The following IFT57 variants were observed in gnomAD, a reference collection of about 807,000 sequenced individuals.
IFT57 encodes intraflagellar transport 57.
A neutral mutation model predicts 56.8 loss-of-function variants in IFT57; 59 were observed. The observed-to-expected ratio is 1.04, with a 90% CI of 0.84 to 1.29. The LOEUF is 1.29. Ranked by LOEUF, IFT57 falls within the 50% of genes most tolerant of loss-of-function variation. The pLI is 0.00. For missense variants in IFT57, 470 were observed against 522.1 expected (o/e 0.90, Z 0.97); for synonymous variants, 209 against 186.1 (o/e 1.12, Z -1.00).
At chr3:108,167,093 G>T in intron 7 of IFT57, 108 bp from the exon 8 acceptor site, 1 of 952,386 alleles carries the variant, frequency 1.0e-6, no homozygotes, top group Non-Finnish European at 1.5e-6. Context: ...TCAACTACAT[G>T]TGCAAAAGAA....
At chr3:108,214,520 A>G (rs542738580) in intron 3 of IFT57, among the ~76,000 whole-genome samples, 1 of 152,270 alleles carries the variant, frequency 6.6e-6, no homozygotes, top group South Asian at 2.1e-4. Context: ...GTTTTGCTAT[A>G]TACTGCCAAA....
intron 5 of IFT57, among the ~76,000 whole-genome samples, chr3:108,199,942 A>G (rs2080268527): frequency 6.6e-6 from 1 of 152,202 alleles, no homozygotes; most frequent in African/African-American, 2.4e-5. Flanking sequence ...AAAGAGAAGC[A>G]TTGGATGGGA....
At chr3:108,166,317 A>G (rs1011058868) in intron 8 of IFT57, among the ~76,000 whole-genome samples, 58 of 152,064 alleles carry the variant, frequency 3.8e-4, no homozygotes, top group African/African-American at 1.4e-3. Context: ...GGTGCTTTCA[A>G]AGTCTAGTGA....
chr3:108,178,721 T>C (rs977340822), intron 6 of IFT57, among the ~76,000 whole-genome samples: 1 of 151,766 alleles, frequency 6.6e-6, no homozygotes, highest in African/African-American at 2.4e-5. Context: ...ATGATTAAAA[T>C]AAAAAAGATT....
chr3:108,219,116 A>AC lies in IFT57; in HGVS notation c.375+293_375+294insG, dbSNP rs1553743326. On this transcript the variant is annotated intron_variant, in intron 2 of 10. Transcript: ENST00000264538. ...ATATGAAGTGTTTTGGCTTTGTAGG[A>AC]TTTTTTTTTAATTATCATTTTTTAG... Among the ~76,000 whole-genome samples, 3 of 150,876 alleles carry AC rather than the reference A, an allele frequency of 2.0e-5. No homozygotes were observed. The East Asian group carries it at 5.8e-4, about 29-fold the overall frequency.
At chr3:108,167,960 C>T (rs1221629176) in intron 6 of IFT57, 96 bp from the exon 7 acceptor site, 1 of 853,826 alleles carries the variant, frequency 1.2e-6, no homozygotes, top group African/African-American at 1.7e-5. Context: ...TACTTTGGTT[C>T]CTGCCCTATT....
chr3:108,222,415 GT>G lies in IFT57; in HGVS notation c.-94del. The stretch of plus-strand genomic sequence containing the variant: ...GCCGCCGCCAGTACAGCCACGACCG[GT>G]TACCAGGCGACCACCGGACAATCCG... On this transcript the variant is annotated 5_prime_UTR_variant, in exon 1 of 11. Coordinates refer to ENST00000264538, the MANE Select transcript of IFT57 (RefSeq NM_018010.4). 1.1e-6 allele frequency: 1 copy of G among 951,536 alleles called. No homozygotes were observed. The highest frequency in any genetic ancestry group is 1.5e-6 in the Non-Finnish European group (1 of 673,614). The allele number at this position is 951,536 out of a possible 1,614,324, so 58.9% of individuals were successfully genotyped here.
chr3:108,203,652 A>G (rs1355381949), intron 5 of IFT57, among the ~76,000 whole-genome samples: 1 of 152,222 alleles, frequency 6.6e-6, no homozygotes, highest in African/African-American at 2.4e-5. Context: ...ATACAATATT[A>G]TTGATTATTG....
intron 6 of IFT57, among the ~76,000 whole-genome samples, chr3:108,173,018 C>A (rs572998529): frequency 1.3e-5 from 2 of 151,892 alleles, no homozygotes; most frequent in South Asian, 4.2e-4. Flanking sequence ...TATTCTTACC[C>A]TAACTTCTAG....
intron 4 of IFT57, among the ~76,000 whole-genome samples, chr3:108,212,109 A>C (rs1482033401): frequency 6.6e-6 from 1 of 152,144 alleles, no homozygotes; most frequent in Admixed American, 6.6e-5. Context: ...CAGCCTCCTG[A>C]GTAGTTAGGA....
At chr3:108,190,558 A>T (rs2108317275) in intron 6 of IFT57, among the ~76,000 whole-genome samples, 1 of 152,294 alleles carries the variant, frequency 6.6e-6, no homozygotes, top group Non-Finnish European at 1.5e-5. Context: ...TTCTGCCATG[A>T]TTGTTTAAGT....
chr3:108,184,603 GA>G (rs1411861313), intron 6 of IFT57, among the ~76,000 whole-genome samples: 1 of 152,040 alleles, frequency 6.6e-6, no homozygotes, highest in Non-Finnish European at 1.5e-5. Context: ...ACAGTTGAGA[GA>G]AATGTAAACA....
rs61048320 is a variant in IFT57, at chr3:108,173,808, GTA to G, written c.778-5946_778-5945del. 3.7e-4 allele frequency among the ~76,000 whole-genome samples: 47 copies of G among 127,136 alleles called. 1 individual carries two copies. The South Asian group carries it at 8.9e-3, about 24-fold the overall frequency. The allele number at this position is 127,136 out of a possible 152,430, so 83.4% of individuals were successfully genotyped here. ...TGTGTGTGTGTGTGTGTGTGTGTGT[GTA>G]TATAATATAGTATATTATATACAGT... is the stretch of plus-strand genomic sequence containing the variant. On this transcript the variant is annotated intron_variant, in intron 6 of 10. Transcript: ENST00000264538.
chr3:108,213,575 T>C (rs984397967), intron 4 of IFT57, among the ~76,000 whole-genome samples: 1 of 152,220 alleles, frequency 6.6e-6, no homozygotes, highest in Non-Finnish European at 1.5e-5. Context: ...GGTATGCGTA[T>C]AAAGCAGAAT....
chr3:108,170,295 G>A (rs60425424), intron 6 of IFT57, among the ~76,000 whole-genome samples: 13,932 of 152,040 alleles, frequency 0.092, 702 homozygotes, highest in Middle Eastern at 0.12. Context: ...AGCAACTTCA[G>A]CAAAGTCTCA....
chr3:108,206,880 G>GT (rs1161651031), intron 4 of IFT57, among the ~76,000 whole-genome samples, 184 bp from the exon 5 acceptor site: 2 of 151,942 alleles, frequency 1.3e-5, no homozygotes, highest in Non-Finnish European at 2.9e-5. Context: ...CAGTTCATCT[G>GT]TTTTTTGAGG....
At chr3:108,202,563 G>A (rs1256694045) in intron 5 of IFT57, among the ~76,000 whole-genome samples, 5 of 152,194 alleles carry the variant, frequency 3.3e-5, no homozygotes, top group Admixed American at 3.3e-4. Context: ...GAATCAGAGG[G>A]ACATAAAGAA....
In IFT57 at chr3:108,163,654, T is replaced by C. The variant is rs753096986; in HGVS notation, c.1111+9A>G. 1.4e-5 allele frequency: 22 copies of C among 1,602,766 alleles called. No individual in the cohort carries two copies. Among genetic ancestry groups the C allele is most frequent in the South Asian group, 2.2e-5 (2 of 90,556 alleles). The stretch of plus-strand genomic sequence containing the variant: ...CTCAGTTTTTCCCCTAAAATGAGCA[T>C]GTACTTACCACCATCAGTCATGCTG... On this transcript the variant is annotated intron_variant, in intron 10 of 10. Transcript: ENST00000264538.
intron 4 of IFT57, among the ~76,000 whole-genome samples, chr3:108,207,720 T>G (rs1208723220): frequency 1.3e-5 from 2 of 152,096 alleles, no homozygotes; most frequent in African/African-American, 2.4e-5. Flanking sequence ...GAATGCAAAT[T>G]CTAAGGCTCT....
Sources: allele counts gnomAD v4.1 joint callset (sites outside exome capture counted in the v4.1 genomes callset), GRCh38; gene constraint gnomAD v4.1.1; transcripts MANE v1.5; gene names NCBI Gene and HGNC (gene_info 2026-07-23, HGNC 2026-07-21).